Variants in HPSE2 observed in about 807,000 individuals in gnomAD.
The protein encoded by HPSE2 is heparanase 2 (inactive), also known as inactive heparanase-2.
A neutral mutation model predicts 60.5 loss-of-function variants in HPSE2; 38 were observed. The observed-to-expected ratio is 0.63, with a 90% CI of 0.48 to 0.82. The LOEUF (loss-of-function observed/expected upper bound fraction) is 0.82. Ranked by LOEUF, HPSE2 falls within the 40% of genes least tolerant of loss-of-function variation. The pLI is 0.00. For missense variants in HPSE2, 713 were observed against 740.4 expected, an observed-to-expected ratio of 0.96 and a Z score of 0.43; for synonymous variants, 295 against 293.2, an observed-to-expected ratio of 1.01 and a Z score of -0.06.
rs1437070740 is a variant in HPSE2, at chr10:98,942,018, G to GC, written c.611-197963dup. On this transcript the variant is annotated intron_variant, in intron 3 of 11. Coordinates refer to ENST00000370552, the MANE Select transcript of HPSE2 (RefSeq NM_021828.5). ...TTAATAAATGGTGCTGGGAAAACTG[G>GC]CTAGCCATAGGTAGAAAGCTGAAAC... Among the ~76,000 whole-genome samples the GC allele has an allele frequency of 8.4e-5, 12 of 143,264 alleles. 2 individuals are homozygous for GC. Among genetic ancestry groups the GC allele is most frequent in the Non-Finnish European group, 1.5e-4 (10 of 66,994 alleles). The allele number at this position is 143,264 out of a possible 152,430, so 94.0% of individuals were successfully genotyped here.
chr10:99,026,060 G>A (rs1230014099), intron 3 of HPSE2, among the ~76,000 whole-genome samples: 1 of 151,878 alleles, frequency 6.6e-6, no homozygotes, highest in Non-Finnish European at 1.5e-5. Flanking sequence ...AAAAAAGAAG[G>A]AAGAGAACAC....
At chr10:99,244,600 A>G in the HPSE2 span, among the ~76,000 whole-genome samples, 1 of 109,740 alleles carries the variant, frequency 9.1e-6, no homozygotes, top group African/African-American at 3.6e-5. Flanking sequence ...TTGTAGAGGC[A>G]GGGTCTCACC....
chr10:98,880,457 C>T (rs1952992716), intron 3 of HPSE2, among the ~76,000 whole-genome samples: 1 of 152,004 alleles, frequency 6.6e-6, no homozygotes, highest in Non-Finnish European at 1.5e-5. Flanking sequence ...GGTCTTGCTC[C>T]AGGCCTGGCA....
intron 3 of HPSE2, among the ~76,000 whole-genome samples, chr10:99,104,195 G>C (rs866086911): frequency 2.4e-4 from 36 of 152,130 alleles, no homozygotes; most frequent in African/African-American, 8.2e-4. Flanking sequence ...GAGTGAACAG[G>C]CAACCTACAG....
chr10:98,509,534 CT>C (rs1235617546), intron 9 of HPSE2, among the ~76,000 whole-genome samples: 27 of 151,562 alleles, frequency 1.8e-4, no homozygotes, highest in Non-Finnish European at 3.8e-4. Context: ...CGGAGTCTTG[CT>C]CTGTCACTCA....
chr10:98,953,473 C>T (rs1461554883), intron 3 of HPSE2, among the ~76,000 whole-genome samples: 2 of 152,242 alleles, frequency 1.3e-5, no homozygotes, highest in East Asian at 1.9e-4. Context: ...ACTCTGCTCA[C>T]GCTGCCTAGG....
chr10:98,646,937 T>G (rs1161123272), intron 6 of HPSE2, among the ~76,000 whole-genome samples: 1 of 152,224 alleles, frequency 6.6e-6, no homozygotes, highest in Non-Finnish European at 1.5e-5. Flanking sequence ...CAGTTTTTCA[T>G]AGTAAATAAA....
intron 10 of HPSE2, among the ~76,000 whole-genome samples, chr10:98,484,700 AT>A (rs904461475): frequency 6.6e-6 from 1 of 152,048 alleles, no homozygotes; most frequent in Non-Finnish European, 1.5e-5. Flanking sequence ...TATCTTTTTG[AT>A]TTCTTCTTTT....
At chr10:98,539,065 T>C (rs1465463196) in intron 9 of HPSE2, among the ~76,000 whole-genome samples, 2 of 152,198 alleles carry the variant, frequency 1.3e-5, no homozygotes, top group Non-Finnish European at 2.9e-5. Flanking sequence ...ACCCATTACA[T>C]AGGGGAAGGC....
chr10:99,045,642 A>T (rs1373202389), intron 3 of HPSE2, among the ~76,000 whole-genome samples: 2 of 152,126 alleles, frequency 1.3e-5, no homozygotes, highest in African/African-American at 4.8e-5. Flanking sequence ...ATAAGAAAAG[A>T]CAGCAATGAC....
chr10:99,186,296 G>A (rs1193334924), intron 2 of HPSE2, among the ~76,000 whole-genome samples: 1 of 152,034 alleles, frequency 6.6e-6, no homozygotes, highest in Non-Finnish European at 1.5e-5. Context: ...TGTAATTCCA[G>A]CACTTTGAGA....
intron 2 of HPSE2, among the ~76,000 whole-genome samples, chr10:99,160,938 G>A (rs1210324773): frequency 1.3e-5 from 2 of 150,530 alleles, no homozygotes; most frequent in African/African-American, 4.9e-5. Context: ...ACATGAGGTC[G>A]GGCACAGTGG....
rs770710788 is a variant in HPSE2, at chr10:98,931,752, G to A, written c.611-187696C>T. 7.7e-5 allele frequency among the ~76,000 whole-genome samples: 11 copies of A among 143,128 alleles called. 2 individuals carry two copies. The highest frequency in any genetic ancestry group is 1.4e-4 in the African/African-American group (5 of 34,948). 93.9% of individuals were successfully genotyped at this position (143,128 alleles called of 152,430 possible). A position where few individuals can be genotyped will look rare whatever the true frequency, so the allele number is the denominator to read the frequency against. On this transcript the variant is annotated intron_variant, in intron 3 of 11. Coordinates refer to ENST00000370552, the MANE Select transcript of HPSE2 (RefSeq NM_021828.5). ...CAATTGTGAATGGGAGTTCATTCAC[G>A]ATTTTGATTTCTGCTTGTCTGTTGT...
intron 9 of HPSE2, among the ~76,000 whole-genome samples, chr10:98,590,018 A>T (rs901165821): frequency 4.6e-5 from 7 of 152,246 alleles, no homozygotes; most frequent in African/African-American, 1.7e-4. Flanking sequence ...GATGAGGTTA[A>T]TTAGAAAGTC....
chr10:99,235,972 TCG>T (rs1397213695), upstream of HPSE2: 200 of 485,230 alleles, frequency 4.1e-4, no homozygotes, highest in African/African-American at 3.9e-3. Context: ...TCTCTCTCGC[TCG>T]CTCGCTCGCT....
At chr10:99,103,337 T>C (rs1231639380) in intron 3 of HPSE2, among the ~76,000 whole-genome samples, 4 of 151,980 alleles carry the variant, frequency 2.6e-5, no homozygotes, top group Non-Finnish European at 4.4e-5. Context: ...TATACACCAA[T>C]AACAGACAAA....
intron 3 of HPSE2, among the ~76,000 whole-genome samples, chr10:98,916,530 ATGTTC>A (rs1232219970): frequency 6.6e-6 from 1 of 152,184 alleles, no homozygotes; most frequent in Non-Finnish European, 1.5e-5. Context: ...TCTTGGTTTT[ATGTTC>A]TGTTGTGACA....
intron 2 of HPSE2, among the ~76,000 whole-genome samples, chr10:99,229,829 T>G (rs1311998509): frequency 6.6e-6 from 1 of 152,238 alleles, no homozygotes; most frequent in Non-Finnish European, 1.5e-5. Flanking sequence ...ACAGGACCAT[T>G]TCCTAAGAAG....
chr10:98,983,651 G>C (rs7071019), intron 3 of HPSE2, among the ~76,000 whole-genome samples: 1 of 152,202 alleles, frequency 6.6e-6, no homozygotes, highest in Non-Finnish European at 1.5e-5. Context: ...TTGTGGCTGG[G>C]AAGTAAAGCT....
Sources: gnomAD v4.1 joint callset for allele counts (sites outside exome capture counted in the v4.1 genomes callset) on GRCh38, gnomAD v4.1.1 for gene constraint, MANE v1.5 for transcripts, NCBI Gene and HGNC (gene_info 2026-07-23, HGNC 2026-07-21) for gene names.